The following PIP5K1B variants were observed in gnomAD, a reference collection of about 807,000 sequenced individuals.
PIP5K1B encodes the protein phosphatidylinositol 4-phosphate 5-kinase type-1 beta.
PIP5K1B carries 42 observed loss-of-function variants against 67.0 expected under a neutral mutation model. The ratio of observed to expected loss-of-function variants is 0.63; its 90% CI spans 0.49 to 0.81. The LOEUF (loss-of-function observed/expected upper bound fraction) is 0.81, where lower values mean the gene tolerates loss of function less well. Among genes scored for constraint, PIP5K1B ranks in the 30% least tolerant of loss-of-function variants. The probability of loss-of-function intolerance (pLI) is 0.00; values close to 1 mark genes in which losing one functional copy is unlikely to be tolerated. For synonymous variants in PIP5K1B, 214 were observed against 231.4 expected (o/e 0.92, Z 0.68); for missense variants, 459 against 646.3 (o/e 0.71, Z 3.14).
At chr9:68,964,234 T>C (rs1262246094) in intron 14 of PIP5K1B, 1 of 152,208 alleles carries the variant, frequency 6.6e-6, no homozygotes, top group Non-Finnish European at 1.5e-5. Flanking sequence ...ATTCACGTGG[T>C]TCCACCCTCA....
chr9:68,967,836 C>A (rs903017616), intron 14 of PIP5K1B, among the ~76,000 whole-genome samples: 1 of 152,138 alleles, frequency 6.6e-6, no homozygotes, highest in South Asian at 2.1e-4. Flanking sequence ...GTTCAGATTT[C>A]TCTGAGAGTA....
intron 8 of PIP5K1B, among the ~76,000 whole-genome samples, chr9:68,903,961 G>T (rs1416471649): frequency 6.6e-6 from 1 of 152,114 alleles, no homozygotes; most frequent in Non-Finnish European, 1.5e-5. Flanking sequence ...TTTATCTGTG[G>T]GTTGGTTCAG....
chr9:68,847,842 G>A (rs1348441810), intron 4 of PIP5K1B, among the ~76,000 whole-genome samples: 1 of 152,180 alleles, frequency 6.6e-6, no homozygotes, highest in Non-Finnish European at 1.5e-5. Flanking sequence ...AGCTGGCTTG[G>A]TATTGCTTGG....
intron 2 of PIP5K1B, among the ~76,000 whole-genome samples, chr9:68,778,922 C>T (rs1831066079): frequency 6.6e-6 from 1 of 152,190 alleles, no homozygotes; most frequent in South Asian, 2.1e-4. Context: ...CAGATGTCCA[C>T]GTGACTTACT....
At chr9:68,895,046 T>G (rs1825009201) in intron 8 of PIP5K1B, among the ~76,000 whole-genome samples, 1 of 151,972 alleles carries the variant, frequency 6.6e-6, no homozygotes, top group East Asian at 1.9e-4. Flanking sequence ...GGGAGACAAG[T>G]TTAAAGAAAA....
chr9:68,934,149 T>C (rs1221030191), intron 12 of PIP5K1B, among the ~76,000 whole-genome samples: 1 of 152,244 alleles, frequency 6.6e-6, no homozygotes, highest in Non-Finnish European at 1.5e-5. Context: ...ATGGCCTTGC[T>C]GCCGCTTAAG....
intron 1 of PIP5K1B, among the ~76,000 whole-genome samples, chr9:68,733,699 G>A (rs1442256832): frequency 7.6e-6 from 1 of 132,022 alleles, no homozygotes; most frequent in Non-Finnish European, 1.5e-5. Context: ...GAGTGCAGTG[G>A]CGTGATCTCA....
At chr9:68,785,645 A>G (rs1366773226) in intron 2 of PIP5K1B, among the ~76,000 whole-genome samples, 1 of 152,196 alleles carries the variant, frequency 6.6e-6, no homozygotes, top group Non-Finnish European at 1.5e-5. Flanking sequence ...CATTATCCTC[A>G]TTTTATAAAT....
chr9:68,896,245 A>G (rs887559387), intron 8 of PIP5K1B, among the ~76,000 whole-genome samples: 1 of 152,052 alleles, frequency 6.6e-6, no homozygotes, highest in Non-Finnish European at 1.5e-5. Context: ...GTTTAGTGTC[A>G]GCCTCTCCAG....
intron 2 of PIP5K1B, among the ~76,000 whole-genome samples, chr9:68,764,138 T>C (rs1475802997): frequency 2.0e-5 from 3 of 147,748 alleles, no homozygotes; most frequent in Non-Finnish European, 3.0e-5. Context: ...TTTCAGGAGA[T>C]GTCAATGGTT....
Position 68,884,665 on chromosome 9 carries a change from T to TAAAAAAAAAA in PIP5K1B, c.319-4307_319-4298dup, listed in dbSNP as rs71353087. 3.6e-3 allele frequency among the ~76,000 whole-genome samples: 485 copies of TAAAAAAAAAA among 133,284 alleles called. 5 individuals are homozygous for TAAAAAAAAAA. The highest frequency in any genetic ancestry group is 0.013 in the African/African-American group (445 of 34,972). 87.4% of individuals were successfully genotyped at this position (133,284 alleles called of 152,430 possible). ...GGGTGGCAGAGCAGGACCTTGTCTT[T>TAAAAAAAAAA]AAAAAAAAAAAAAAAAAAGACATAC... is the stretch of plus-strand genomic sequence containing the variant. On this transcript the variant is annotated intron_variant, in intron 6 of 15. Coordinates refer to ENST00000265382, the MANE Select transcript of PIP5K1B (RefSeq NM_003558.4).
At chr9:68,751,697 G>A (rs1203378637) in intron 2 of PIP5K1B, among the ~76,000 whole-genome samples, 9 of 152,188 alleles carry the variant, frequency 5.9e-5, no homozygotes, top group Non-Finnish European at 1.5e-5. Context: ...GTTATGCTGA[G>A]TGAATTGAGA....
chr9:68,795,168 C>CGT lies in PIP5K1B; in HGVS notation c.-85-23278_-85-23277dup, dbSNP rs144440033. On this transcript the variant is annotated intron_variant, in intron 2 of 15. Transcript: ENST00000265382. Reference sequence around the variant, plus strand: ...GTGTGTGTGAGAGAGAGAGAGAGAGCGTGTGTGTGTGTGTGTTTTAATGGT... The same window carrying CGT: ...GTGTGTGTGAGAGAGAGAGAGAGAGCGTGTGTGTGTGTGTGTGTTTTAATGGT... 4.4e-3 allele frequency among the ~76,000 whole-genome samples: 655 copies of CGT among 150,490 alleles called. 2 individuals are homozygous for CGT. The highest frequency in any genetic ancestry group is 0.014 in the African/African-American group (550 of 40,726).
intron 8 of PIP5K1B, among the ~76,000 whole-genome samples, chr9:68,908,115 TG>T (rs1288784715): frequency 4.6e-5 from 7 of 152,170 alleles, no homozygotes; most frequent in Non-Finnish European, 1.0e-4. Context: ...GGCCTATGCC[TG>T]GGCTCTCTGC....
chr9:68,852,701 G>A (rs1280406565), intron 4 of PIP5K1B, among the ~76,000 whole-genome samples: 1 of 152,192 alleles, frequency 6.6e-6, no homozygotes, highest in East Asian at 1.9e-4. Context: ...AAGGTAGGAA[G>A]AAGTGGATAT....
intron 14 of PIP5K1B, among the ~76,000 whole-genome samples, chr9:68,961,694 T>C (rs1828757488): frequency 6.6e-6 from 1 of 152,068 alleles, no homozygotes; most frequent in South Asian, 2.1e-4. Flanking sequence ...GGAAGCCGAG[T>C]TGGGGAAGAG....
intron 8 of PIP5K1B, among the ~76,000 whole-genome samples, chr9:68,900,584 A>T (rs1419262388): frequency 6.6e-6 from 1 of 152,216 alleles, no homozygotes; most frequent in African/African-American, 2.4e-5. Context: ...TGACTTTGAG[A>T]CAAAGTATAT....
intron 13 of PIP5K1B, among the ~76,000 whole-genome samples, chr9:68,936,970 A>T (rs1407630592): frequency 2.6e-5 from 4 of 152,304 alleles, no homozygotes; most frequent in African/African-American, 9.6e-5. Context: ...CGACTTGATC[A>T]TGGTGGATAA....
intron 4 of PIP5K1B, among the ~76,000 whole-genome samples, chr9:68,835,383 G>A (rs2132126380): frequency 6.6e-6 from 1 of 152,340 alleles, no homozygotes; most frequent in South Asian, 2.1e-4. Context: ...GCTCATCCTT[G>A]TGCAAGACAA....
Sources: allele counts gnomAD v4.1 joint callset (sites outside exome capture counted in the v4.1 genomes callset), GRCh38; gene constraint gnomAD v4.1.1; transcripts MANE v1.5; gene names NCBI Gene and HGNC (gene_info 2026-07-23, HGNC 2026-07-21).